The following IPO5 variants were observed in gnomAD, a reference collection of about 807,000 sequenced individuals.
IPO5 encodes the protein importin-5.
In IPO5, 18 loss-of-function variants were observed where a neutral mutation model predicts 143.3. The ratio of observed to expected loss-of-function variants is 0.13; its 90% CI spans 0.09 to 0.19. The LOEUF is 0.19. IPO5 is among the 10% of genes least tolerant of loss of function. The pLI, the probability that IPO5 is intolerant of heterozygous loss-of-function variation, is 1.00. For missense variants in IPO5, 1,013 were observed against 1,336.9 expected (o/e 0.76, Z 3.78); for synonymous variants, 477 against 465.7 (o/e 1.02, Z -0.31).
intron 6 of IPO5, chr13:97,987,985 C>G: frequency 3.3e-6 from 1 of 305,398 alleles, no homozygotes; most frequent in South Asian, 2.6e-5. Context: ...TATTTCCCCT[C>G]AAAGCATCAT....
chr13:97,998,822 G>A (rs1177835803), intron 12 of IPO5, among the ~76,000 whole-genome samples: 1 of 152,128 alleles, frequency 6.6e-6, no homozygotes, highest in African/African-American at 2.4e-5. Context: ...TCTTCCCAGT[G>A]CATTATACTA....
intron 4 of IPO5, among the ~76,000 whole-genome samples, chr13:97,979,605 C>T (rs1049625572): frequency 3.3e-5 from 5 of 152,130 alleles, no homozygotes; most frequent in African/African-American, 1.2e-4. Context: ...ATGACATAAG[C>T]TTAAGTATTT....
chr13:98,015,994 C>T (rs561248774), intron 24 of IPO5, among the ~76,000 whole-genome samples: 22 of 152,260 alleles, frequency 1.4e-4, no homozygotes, highest in African/African-American at 4.6e-4. Flanking sequence ...TGTTGTAATA[C>T]CTCACTCAAC....
At position 98,004,935 on chromosome 13, in the gene IPO5, G is replaced by A. The variant is rs1411909605; in HGVS notation, c.1498-1195G>A. On this transcript the variant is annotated intron_variant, in intron 16 of 28. Coordinates refer to ENST00000651721, the MANE Select transcript of IPO5 (RefSeq NM_002271.6). ...TATTTTTATTTTGAGATGGAGTCTC[G>A]CCCAGGCTGGAGTGCGATAACGCAC... Among the ~76,000 whole-genome samples, 4 of 151,082 alleles carry A rather than the reference G, an allele frequency of 2.6e-5. No individual in the cohort carries two copies. In the South Asian group the frequency reaches 6.3e-4, roughly 24 times the overall value.
intron 16 of IPO5, among the ~76,000 whole-genome samples, chr13:98,004,907 A>T (rs1312420232): frequency 6.6e-6 from 1 of 151,396 alleles, no homozygotes; most frequent in African/African-American, 2.4e-5. Context: ...TTATTTATTT[A>T]TTTATTTTTA....
chr13:98,011,795 G>A (rs561842310), intron 20 of IPO5, among the ~76,000 whole-genome samples: 16 of 152,158 alleles, frequency 1.1e-4, no homozygotes, highest in Admixed American at 4.6e-4. Flanking sequence ...ATGAGCCACC[G>A]TGCCCAGCCA....
chr13:97,997,520 G>A lies in IPO5; in HGVS notation c.914-11G>A. ...CACAGTCTTCGGGTATGAAATAATT[G>A]TTTACTTTAGTTCCTCAGATGTTAG... On this transcript the variant is annotated splice_polypyrimidine_tract_variant and intron_variant, in intron 11 of 28. Transcript: ENST00000651721. 1 of 1,532,218 alleles carries A rather than the reference G, an allele frequency of 6.5e-7. No homozygotes were observed. The highest frequency in any genetic ancestry group is 9.0e-7 in the Non-Finnish European group (1 of 1,108,956). 94.9% of individuals were successfully genotyped at this position (1,532,218 alleles called of 1,614,324 possible).
intron 2 of IPO5, among the ~76,000 whole-genome samples, chr13:97,966,566 G>GT (rs964047063): frequency 8.6e-5 from 13 of 151,770 alleles, no homozygotes; most frequent in South Asian, 4.2e-4. Flanking sequence ...TTGGTCTATA[G>GT]TTTTTTTTGT....
At chr13:97,968,030 T>C (rs1306557686) in intron 2 of IPO5, among the ~76,000 whole-genome samples, 5 of 152,184 alleles carry the variant, frequency 3.3e-5, no homozygotes, top group Admixed American at 2.6e-4. Flanking sequence ...CGATCATTGC[T>C]CACTGTAACT....
At position 98,015,538 on chromosome 13, in the gene IPO5, A is replaced by C; in HGVS notation, c.2334A>C (p.Glu778Asp). 6.3e-7 allele frequency: 1 copy of C among 1,593,840 alleles called. No homozygotes were observed. The highest frequency in any genetic ancestry group is 1.1e-5 in the South Asian group (1 of 90,130). Residue 778 changes from glutamate to aspartate, a missense_variant, in exon 23 of 29, where the codon GAA (glutamate) becomes GAC (aspartate). Coordinates refer to ENST00000651721, the MANE Select transcript of IPO5 (RefSeq NM_002271.6). Reference sequence around the variant, plus strand: ...TTCCTCAACCTCATTAGTGCATTGAAGTAATGGGAGATGGATGCCTTAATA... The same window carrying C: ...TTCCTCAACCTCATTAGTGCATTGACGTAATGGGAGATGGATGCCTTAATA... The part of the protein sequence containing the change: ...EIMHSFAKCI[E>D]VMGDGCLNNE...
In IPO5 at chr13:98,015,525, A is replaced by T. The variant is rs1890069441; in HGVS notation, c.2326-5A>T. 6.4e-7 allele frequency: 1 copy of T among 1,552,574 alleles called. No homozygotes were observed. The highest frequency in any genetic ancestry group is 1.4e-5 in the African/African-American group (1 of 73,512). On this transcript the variant is annotated splice_polypyrimidine_tract_variant and splice_region_variant and intron_variant, in intron 22 of 28. Coordinates refer to ENST00000651721, the MANE Select transcript of IPO5 (RefSeq NM_002271.6). ...TGGATTGCTTTCTTTCCTCAACCTC[A>T]TTAGTGCATTGAAGTAATGGGAGAT...
intron 2 of IPO5, among the ~76,000 whole-genome samples, chr13:97,964,273 C>T (rs957973380): frequency 1.5e-4 from 23 of 152,158 alleles, no homozygotes; most frequent in African/African-American, 4.3e-4. Flanking sequence ...TTGCCCATGC[C>T]TATGTCCTAA....
At chr13:97,972,971 GAAAT>G (rs1270805223) in intron 3 of IPO5, among the ~76,000 whole-genome samples, 3 of 151,342 alleles carry the variant, frequency 2.0e-5, no homozygotes, top group Non-Finnish European at 4.4e-5. Context: ...ATCTCCTTGG[GAAAT>G]AAATAAATCT....
chr13:98,016,712 G>A lies in IPO5; in HGVS notation c.2494-17G>A. 7.6e-7 allele frequency: 1 copy of A among 1,320,314 alleles called. No individual in the cohort carries two copies. Among genetic ancestry groups the A allele is most frequent in the South Asian group, 1.5e-5 (1 of 67,426 alleles). The allele number at this position is 1,320,314 out of a possible 1,614,324, so 81.8% of individuals were successfully genotyped here. A position where few individuals can be genotyped will look rare whatever the true frequency, so the allele number is the denominator to read the frequency against. ...CTTTTTAATCCATATGAGTGTTTAT[G>A]TGTATGTTTTTTTTAGGATGATAAT... On this transcript the variant is annotated splice_polypyrimidine_tract_variant and intron_variant, in intron 24 of 28. Coordinates refer to ENST00000651721, the MANE Select transcript of IPO5 (RefSeq NM_002271.6).
At position 98,012,765 on chromosome 13, in the gene IPO5, G is replaced by A. The variant is rs538519427; in HGVS notation, c.2152+423G>A. 1.3e-3 allele frequency among the ~76,000 whole-genome samples: 193 copies of A among 151,050 alleles called. 1 individual carries two copies. Among genetic ancestry groups the A allele is most frequent in the African/African-American group, 4.3e-3 (178 of 41,154 alleles). ...AAACCACAACTTCCCAAGTAGCTGGGACCCAGGTGCACAACACCAAGCCCA... is the reference window on the plus strand; with the variant it reads ...AAACCACAACTTCCCAAGTAGCTGGAACCCAGGTGCACAACACCAAGCCCA... On this transcript the variant is annotated intron_variant, in intron 21 of 28. Coordinates refer to ENST00000651721, the MANE Select transcript of IPO5 (RefSeq NM_002271.6).
intron 3 of IPO5, among the ~76,000 whole-genome samples, chr13:97,974,540 C>T (rs369742080): frequency 6.6e-6 from 1 of 151,838 alleles, no homozygotes; most frequent in Non-Finnish European, 1.5e-5. Flanking sequence ...GAACTCCTGA[C>T]CTCAGGTGAT....
At position 98,019,745 on chromosome 13, in the gene IPO5, C is replaced by T; in HGVS notation, c.3001C>T (p.Pro1001Ser). 2 of 1,614,042 alleles carry T rather than the reference C, an allele frequency of 1.2e-6. No homozygotes were observed. Among genetic ancestry groups the T allele is most frequent in the South Asian group, 2.2e-5 (2 of 91,076 alleles). ...EVLPHWLSWL[P>S]LHEDKEEAVQ... ...CCTTCCACACTGGTTGTCTTGGCTT[C>T]CACTACATGAAGATAAAGAAGAAGC... The change falls in exon 27 of 29, where the codon CCA becomes TCA. Residue 1001 changes from proline to serine, a missense_variant. Around this residue, in one of 2 missense-constraint regions of IPO5, gnomAD observed 685 missense variants for 994.9 expected, o/e 0.69. Transcript: ENST00000651721.
At chr13:97,954,001 T>C in intron 1 of IPO5, 118 bp from the exon 2 acceptor site, 3 of 435,272 alleles carry the variant, frequency 6.9e-6, no homozygotes, top group South Asian at 5.0e-5. Flanking sequence ...GGGGACTAAC[T>C]CTGTATCCTT....
At chr13:97,994,631 ATTC>A (rs1888087897) in intron 11 of IPO5, among the ~76,000 whole-genome samples, 1 of 152,194 alleles carries the variant, frequency 6.6e-6, no homozygotes, top group Non-Finnish European at 1.5e-5. Flanking sequence ...CAATCCTGAA[ATTC>A]TTCTGAAAGA....
Sources: gnomAD v4.1 joint callset for allele counts (sites outside exome capture counted in the v4.1 genomes callset) on GRCh38, gnomAD v4.1.1 for gene constraint, gnomAD v4.1.1 regional missense constraint, MANE v1.5 for transcripts, NCBI Gene and HGNC (gene_info 2026-07-23, HGNC 2026-07-21) for gene names.